The following TDRD3 variants were observed in gnomAD, a reference collection of about 807,000 sequenced individuals.
TDRD3 encodes the protein tudor domain-containing protein 3.
In TDRD3, 45 loss-of-function variants were observed where a neutral mutation model predicts 86.7. The ratio of observed to expected loss-of-function variants is 0.52; its 90% CI spans 0.41 to 0.67. The LOEUF (loss-of-function observed/expected upper bound fraction) is 0.67, where lower values mean the gene tolerates loss of function less well. TDRD3 is among the 30% of genes least tolerant of loss of function. TDRD3 has a pLI of 0.00. For synonymous variants in TDRD3, 298 were observed against 301.7 expected (o/e 0.99, Z 0.13); for missense variants, 814 against 889.0 (o/e 0.92, Z 1.07).
chr13:60,503,034 A>C (rs1385167210), intron 8 of TDRD3, among the ~76,000 whole-genome samples: 1 of 152,230 alleles, frequency 6.6e-6, no homozygotes, highest in Non-Finnish European at 1.5e-5. Context: ...TTATTCAATT[A>C]TTAAAGGCTG....
rs186714523 is a variant in TDRD3 at position 60,495,171 on chromosome 13, G to C, written c.858+596G>C. Among the ~76,000 whole-genome samples, 71 of 152,254 alleles carry C rather than the reference G, an allele frequency of 4.7e-4. 1 individual carries two copies. In the South Asian group the frequency reaches 0.015, roughly 32 times the overall value. ...ATCCCAAAACAGCTTAAACCATGGA[G>C]GTTTATTATTTCATATAACAAGAAG... On this transcript the variant is annotated intron_variant, in intron 8 of 13. Transcript: ENST00000377881.
chr13:60,477,801 A>T (rs896027388), intron 5 of TDRD3, among the ~76,000 whole-genome samples: 13 of 152,154 alleles, frequency 8.5e-5, no homozygotes, highest in African/African-American at 3.1e-4. Context: ...CTTCTCATCT[A>T]CGTGCATCAG....
Position 60,420,752 on chromosome 13 carries a change from C to G in TDRD3, c.42-18936C>G, listed in dbSNP as rs192931582. ...GGTCAGGAGATCAAGACCATCCTGGCTAACATGGTGAAACCCCGTCTCTAC... is the reference window on the plus strand; with the variant it reads ...GGTCAGGAGATCAAGACCATCCTGGGTAACATGGTGAAACCCCGTCTCTAC... On this transcript the variant is annotated intron_variant, in intron 1 of 13. Transcript: ENST00000377881. Among the ~76,000 whole-genome samples, 8 of 152,086 alleles carry G rather than the reference C, an allele frequency of 5.3e-5. No individual in the cohort carries two copies. In the East Asian group the frequency reaches 1.6e-3, roughly 29 times the overall value.
chr13:60,440,468 G>GT (rs911588892), intron 2 of TDRD3, among the ~76,000 whole-genome samples: 71 of 152,206 alleles, frequency 4.7e-4, no homozygotes, highest in African/African-American at 1.7e-3. Flanking sequence ...GGATCATGAG[G>GT]TCAGGAGTTC....
intron 8 of TDRD3, among the ~76,000 whole-genome samples, chr13:60,494,997 C>A (rs920356605): frequency 1.3e-5 from 2 of 152,152 alleles, no homozygotes; most frequent in Non-Finnish European, 2.9e-5. Context: ...GCAAAATATT[C>A]TTGAATTTTT....
At chr13:60,547,935 G>A (rs1595102142) in intron 12 of TDRD3, among the ~76,000 whole-genome samples, 1 of 152,162 alleles carries the variant, frequency 6.6e-6, no homozygotes, top group Non-Finnish European at 1.5e-5. Context: ...TTCAGACAGT[G>A]TTGAGGAGAA....
At chr13:60,412,971 T>C (rs923224424) in intron 1 of TDRD3, among the ~76,000 whole-genome samples, 4 of 152,104 alleles carry the variant, frequency 2.6e-5, no homozygotes, top group Admixed American at 1.3e-4. Flanking sequence ...TGACTGAATG[T>C]TTTTGTTATT....
chr13:60,447,485 G>C (rs543714832), intron 3 of TDRD3, among the ~76,000 whole-genome samples: 1 of 152,086 alleles, frequency 6.6e-6, no homozygotes, highest in Admixed American at 6.6e-5. Flanking sequence ...GGCAAGCTTC[G>C]AGAATTATGA....
intron 1 of TDRD3, among the ~76,000 whole-genome samples, chr13:60,420,171 G>GT (rs1268717251): frequency 6.6e-6 from 1 of 151,930 alleles, no homozygotes; most frequent in Non-Finnish European, 1.5e-5. Context: ...AAAGGTTAAT[G>GT]TTTTTTACCT....
intron 8 of TDRD3, among the ~76,000 whole-genome samples, chr13:60,495,063 T>C (rs1224736979): frequency 1.3e-5 from 2 of 152,220 alleles, no homozygotes; most frequent in African/African-American, 2.4e-5. Flanking sequence ...TTCTCAGATC[T>C]AAGGATGTTT....
At chr13:60,440,180 G>A (rs1043451514) in intron 2 of TDRD3, among the ~76,000 whole-genome samples, 10 of 152,078 alleles carry the variant, frequency 6.6e-5, no homozygotes, top group African/African-American at 2.4e-4. Flanking sequence ...TTTTCATGAT[G>A]ATAGAAATAA....
At chr13:60,570,193 A>G (rs145135494) in intron 13 of TDRD3, among the ~76,000 whole-genome samples, 2 of 152,340 alleles carry the variant, frequency 1.3e-5, no homozygotes, top group Admixed American at 1.3e-4. Flanking sequence ...ACCAGAATAT[A>G]TAAGCTCAAA....
chr13:60,485,726 GTATT>G, intron 6 of TDRD3, 69 bp from the exon 7 acceptor site: 1 of 1,215,104 alleles, frequency 8.2e-7, no homozygotes, highest in Non-Finnish European at 1.1e-6. Context: ...TTTTGAAGAA[GTATT>G]ACTTTCTAAC....
In TDRD3 at chr13:60,397,289, G is replaced by A. The variant is rs529387873; in HGVS notation, c.-76G>A. The stretch of plus-strand genomic sequence containing the variant: ...TTTCTTTTCTTTTTTTTTTTTTAAG[G>A]GGGGGGGTCTCAAGTAGGAGGCCTC... On this transcript the variant is annotated 5_prime_UTR_variant, in exon 1 of 14. Transcript: ENST00000377881. The A allele has an allele frequency of 2.1e-5, 16 of 770,792 alleles. No homozygotes were observed. The highest frequency in any genetic ancestry group is 3.1e-5 in the Non-Finnish European group (16 of 523,814). 47.7% of individuals were successfully genotyped at this position (770,792 alleles called of 1,614,324 possible).
chr13:60,396,920 GC>G (rs1482096120), upstream of TDRD3: 1 of 153,950 alleles, frequency 6.5e-6, no homozygotes, highest in African/African-American at 2.4e-5. Flanking sequence ...GTCTCCTCAG[GC>G]CTTATCCTGC....
At chr13:60,408,560 A>G (rs1054769391) in intron 1 of TDRD3, among the ~76,000 whole-genome samples, 1 of 152,140 alleles carries the variant, frequency 6.6e-6, no homozygotes, top group Non-Finnish European at 1.5e-5. Flanking sequence ...ACTTGTTGGG[A>G]ACTGGGTGAC....
chr13:60,410,868 A>G (rs114786790), intron 1 of TDRD3, among the ~76,000 whole-genome samples: 1,750 of 152,094 alleles, frequency 0.012, 41 homozygotes, highest in African/African-American at 0.039. Context: ...CTTTGGTTTT[A>G]TGTTTTTTCC....
At chr13:60,428,447 T>G (rs1475830353) in intron 1 of TDRD3, among the ~76,000 whole-genome samples, 1 of 152,046 alleles carries the variant, frequency 6.6e-6, no homozygotes, top group African/African-American at 2.4e-5. Flanking sequence ...CCCTTCTGCC[T>G]CTGAAGGTTT....
chr13:60,452,403 A>G (rs61968665), intron 3 of TDRD3, among the ~76,000 whole-genome samples: 20,861 of 152,054 alleles, frequency 0.14, 1,503 homozygotes, highest in East Asian at 0.2. Context: ...TATTATTCTT[A>G]TATATTCTAT....
Sources: gnomAD v4.1 joint callset for allele counts (sites outside exome capture counted in the v4.1 genomes callset) on GRCh38, gnomAD v4.1.1 for gene constraint, MANE v1.5 for transcripts, NCBI Gene and HGNC (gene_info 2026-07-23, HGNC 2026-07-21) for gene names.